Variants in PACRGL observed in about 807,000 individuals in gnomAD.
PACRGL encodes the protein parkin coregulated like, also known as PACRG-like protein.
Under a neutral mutation model 34.5 loss-of-function variants are expected in PACRGL, and 38 were observed. The observed-to-expected ratio is 1.10, with a 90% CI of 0.85 to 1.44. The LOEUF (loss-of-function observed/expected upper bound fraction) is 1.44. Ranked by LOEUF, PACRGL falls within the 40% of genes most tolerant of loss-of-function variation. PACRGL has a pLI of 0.00. For missense variants in PACRGL, 305 were observed against 281.4 expected (o/e 1.08, Z -0.60); for synonymous variants, 128 against 100.1 (o/e 1.28, Z -1.66).
chr4:20,739,323 C>A (rs564780228), intron 8 of PACRGL, among the ~76,000 whole-genome samples: 108 of 152,276 alleles, frequency 7.1e-4, no homozygotes, highest in Non-Finnish European at 1.3e-3. Context: ...AACTGGGAAA[C>A]ACCTCCTAGT....
the PACRGL span, chr4:20,758,930 C>T: frequency 1.9e-6 from 3 of 1,554,666 alleles, no homozygotes; most frequent in African/African-American, 4.1e-5. Flanking sequence ...GCAAAGTGTT[C>T]ATAAAACTGA....
chr4:20,713,430 A>G lies in PACRGL; in HGVS notation c.502-2A>G. 1 of 1,612,116 alleles carries G rather than the reference A, an allele frequency of 6.2e-7. No individual in the cohort carries two copies. Among genetic ancestry groups the G allele is most frequent in the Non-Finnish European group, 8.5e-7 (1 of 1,178,574 alleles). ...ACATCCCCCAACTAACCAACCTTACAGGTCCATTCGGATGATGAAGTGTTT... is the reference window on the plus strand; with the variant it reads ...ACATCCCCCAACTAACCAACCTTACGGGTCCATTCGGATGATGAAGTGTTT... On this transcript the variant is annotated splice_acceptor_variant, in intron 6 of 8. Coordinates refer to ENST00000503585, the MANE Select transcript of PACRGL (RefSeq NM_001258345.3). LOFTEE classifies it high-confidence loss of function.
chr4:20,749,309 G>A (rs138315952), intron 8 of PACRGL, among the ~76,000 whole-genome samples: 3,565 of 152,190 alleles, frequency 0.023, 57 homozygotes, highest in Middle Eastern at 0.048. Context: ...TTCCATAACA[G>A]GACTTTTGAC....
In PACRGL at chr4:20,729,631, A is replaced by G. The variant is rs1747388507; in HGVS notation, c.*2290A>G. 6.6e-6 allele frequency: 1 copy of G among 152,146 alleles called. No homozygotes were observed. Among genetic ancestry groups the G allele is most frequent in the African/African-American group, 2.4e-5 (1 of 41,210 alleles). 9.4% of individuals were successfully genotyped at this position (152,146 alleles called of 1,614,324 possible). On this transcript the variant is annotated 3_prime_UTR_variant, in exon 9 of 9. Transcript: ENST00000503585. ...ATATAAATGGAATTTAAATGGAATT[A>G]CAGCATTCAAACATGAAAATTAATT...
chr4:20,732,255 T>A lies in PACRGL; in HGVS notation c.*4914T>A, dbSNP rs973603386. Among the ~76,000 whole-genome samples, 3 of 152,198 alleles carry A rather than the reference T, an allele frequency of 2.0e-5. No individual in the cohort carries two copies. The highest frequency in any genetic ancestry group is 1.3e-4 in the Admixed American group (2 of 15,284). ...AATGATAGGGCCAAATGCTTCTGGCTTTTCCCTTTTCAATATAATGTGGTG... is the reference window on the plus strand; with the variant it reads ...AATGATAGGGCCAAATGCTTCTGGCATTTCCCTTTTCAATATAATGTGGTG... On this transcript the variant is annotated 3_prime_UTR_variant, in exon 9 of 9. Transcript: ENST00000503585.
At chr4:20,718,250 T>C (rs1210509837) in intron 7 of PACRGL, among the ~76,000 whole-genome samples, 2 of 152,216 alleles carry the variant, frequency 1.3e-5, no homozygotes, top group Non-Finnish European at 2.9e-5. Context: ...TGGGGTTTTC[T>C]AGATATACAA....
At chr4:20,747,786 C>T (rs561909528) in intron 8 of PACRGL, among the ~76,000 whole-genome samples, 2 of 152,122 alleles carry the variant, frequency 1.3e-5, no homozygotes, top group Non-Finnish European at 2.9e-5. Context: ...TGTGAGGAGG[C>T]TCTTGCCTGC....
intron 1 of PACRGL, among the ~76,000 whole-genome samples, chr4:20,704,127 T>A (rs886677607): frequency 1.3e-5 from 2 of 152,196 alleles, no homozygotes; most frequent in African/African-American, 4.8e-5. Flanking sequence ...TGACAGGGAA[T>A]GTACCAACCA....
intron 8 of PACRGL, among the ~76,000 whole-genome samples, chr4:20,726,936 C>A (rs761465996): frequency 1.3e-5 from 2 of 152,104 alleles, no homozygotes; most frequent in African/African-American, 4.8e-5. Context: ...ATTTACTCTT[C>A]CTAGTCATCA....
At chr4:20,738,646 C>A (rs751999283) in intron 8 of PACRGL, among the ~76,000 whole-genome samples, 1 of 152,176 alleles carries the variant, frequency 6.6e-6, no homozygotes, top group Non-Finnish European at 1.5e-5. Context: ...TACATAGGAA[C>A]AGCTCCAGTC....
At chr4:20,766,055 G>T in the PACRGL span, among the ~76,000 whole-genome samples, 1 of 152,100 alleles carries the variant, frequency 6.6e-6, no homozygotes, top group Non-Finnish European at 1.5e-5. Flanking sequence ...TGACAATGAT[G>T]ATACTGATGA....
intron 7 of PACRGL, among the ~76,000 whole-genome samples, chr4:20,714,884 G>C (rs967175429): frequency 6.6e-6 from 1 of 152,142 alleles, no homozygotes; most frequent in African/African-American, 2.4e-5. Context: ...CAGGGATCTA[G>C]AACTAGAAAT....
upstream of PACRGL, among the ~76,000 whole-genome samples, chr4:20,698,862 AT>A (rs1731390446): frequency 6.6e-6 from 1 of 152,192 alleles, no homozygotes; most frequent in South Asian, 2.1e-4. Flanking sequence ...GCTAATACTT[AT>A]TGAGTACTTC....
chr4:20,758,767 G>T, the PACRGL span: 1 of 1,387,922 alleles, frequency 7.2e-7, no homozygotes, highest in Non-Finnish European at 1.0e-6. Flanking sequence ...ACTCAACACT[G>T]CAAGCATAAT....
At chr4:20,704,351 T>A in intron 1 of PACRGL, 115 bp from the exon 2 acceptor site, 1 of 954,502 alleles carries the variant, frequency 1.0e-6, no homozygotes, top group Non-Finnish European at 1.5e-6. Context: ...CCATATCAAC[T>A]TTTTTGTGTG....
At chr4:20,764,149 T>A in the PACRGL span, among the ~76,000 whole-genome samples, 3 of 152,258 alleles carry the variant, frequency 2.0e-5, no homozygotes, top group African/African-American at 7.2e-5. Context: ...TTTGTCTGAT[T>A]ATTAGCAAAT....
Position 20,738,262 on chromosome 4 carries a change from G to C in PACRGL, c.*56+10865G>C, listed in dbSNP as rs12640359. Reference sequence around the variant, plus strand: ...GAGATTGATTGTTATCAATGTAAACGATATTTTTAAAAATTCACAGCGTAG... The same window carrying C: ...GAGATTGATTGTTATCAATGTAAACCATATTTTTAAAAATTCACAGCGTAG... On this transcript the variant is annotated intron_variant, in intron 8 of 8. Transcript: ENST00000507634. 2.3e-3 allele frequency among the ~76,000 whole-genome samples: 355 copies of C among 152,252 alleles called. 8 individuals carry two copies. In the South Asian group the frequency reaches 0.046, roughly 20 times the overall value.
chr4:20,766,013 G>A, the PACRGL span, among the ~76,000 whole-genome samples: 11 of 152,184 alleles, frequency 7.2e-5, no homozygotes, highest in South Asian at 2.3e-3. Flanking sequence ...TACTTTATTG[G>A]TATTGATATT....
intron 7 of PACRGL, among the ~76,000 whole-genome samples, chr4:20,716,945 C>A (rs1740359320): frequency 6.6e-6 from 1 of 152,216 alleles, no homozygotes; most frequent in Non-Finnish European, 1.5e-5. Context: ...TTTACAGTCC[C>A]ACCAACAGTG....
Sources: allele counts gnomAD v4.1 joint callset (sites outside exome capture counted in the v4.1 genomes callset), GRCh38; gene constraint gnomAD v4.1.1; transcripts MANE v1.5; gene names NCBI Gene and HGNC (gene_info 2026-07-23, HGNC 2026-07-21).